RSRC1: variants seen among roughly 807,000 people sequenced by gnomAD.
The protein encoded by RSRC1 is arginine and serine rich coiled-coil 1.
A neutral mutation model predicts 49.1 loss-of-function variants in RSRC1; 39 were observed. That is an observed-to-expected ratio of 0.79 (90% confidence interval 0.61 to 1.04). The LOEUF (loss-of-function observed/expected upper bound fraction) is 1.04. Among genes scored for constraint, RSRC1 ranks in the 50% least tolerant of loss-of-function variants. The pLI, the probability that RSRC1 is intolerant of heterozygous loss-of-function variation, is 0.00. For synonymous variants in RSRC1, 143 were observed against 130.8 expected, an observed-to-expected ratio of 1.09 and a Z score of -0.63; for missense variants, 388 against 402.4, an observed-to-expected ratio of 0.96 and a Z score of 0.31.
chr3:158,513,287 C>G (rs1740292624), intron 7 of RSRC1, among the ~76,000 whole-genome samples: 1 of 151,348 alleles, frequency 6.6e-6, no homozygotes, highest in African/African-American at 2.4e-5. Context: ...TGAAATACGT[C>G]CCATCAATAC....
At chr3:158,142,990 T>C (rs1233076605) in intron 3 of RSRC1, among the ~76,000 whole-genome samples, 1 of 152,220 alleles carries the variant, frequency 6.6e-6, no homozygotes, top group Non-Finnish European at 1.5e-5. Context: ...GTAGATTGAA[T>C]GAATGATTGA....
chr3:158,240,835 T>C (rs890475321), intron 4 of RSRC1, among the ~76,000 whole-genome samples: 1 of 152,210 alleles, frequency 6.6e-6, no homozygotes, highest in Non-Finnish European at 1.5e-5. Flanking sequence ...AGCCTGTTAG[T>C]TAGTAGCAAT....
chr3:158,131,560 A>G (rs982674705), intron 3 of RSRC1, among the ~76,000 whole-genome samples: 3 of 152,224 alleles, frequency 2.0e-5, no homozygotes, highest in African/African-American at 4.8e-5. Context: ...TTGAAGTGAC[A>G]GATGTACTCA....
At chr3:158,316,469 C>T (rs1273405314) in intron 5 of RSRC1, among the ~76,000 whole-genome samples, 12 of 90,412 alleles carry the variant, frequency 1.3e-4, no homozygotes, top group Non-Finnish European at 2.0e-4. Context: ...TTTTTTGAGA[C>T]GGAGTCTCGC....
intron 4 of RSRC1, among the ~76,000 whole-genome samples, chr3:158,239,775 C>T (rs1368850568): frequency 6.6e-6 from 1 of 151,928 alleles, no homozygotes; most frequent in East Asian, 1.9e-4. Context: ...CTTCTATATT[C>T]TGGGTTTAAT....
At chr3:158,489,329 TC>T (rs1232019019) in intron 7 of RSRC1, among the ~76,000 whole-genome samples, 1 of 152,238 alleles carries the variant, frequency 6.6e-6, no homozygotes, top group Admixed American at 6.5e-5. Flanking sequence ...AGCAGGTTCT[TC>T]CAAGTCCACC....
chr3:158,124,780 T>C (rs1468838354), intron 3 of RSRC1, among the ~76,000 whole-genome samples: 1 of 151,968 alleles, frequency 6.6e-6, no homozygotes, highest in Non-Finnish European at 1.5e-5. Flanking sequence ...TTTCTGATTT[T>C]AGTTATTACG....
At chr3:158,336,657 G>A (rs1729909369) in intron 5 of RSRC1, 1 of 152,144 alleles carries the variant, frequency 6.6e-6, no homozygotes, top group South Asian at 2.1e-4. Flanking sequence ...GAGAAACATT[G>A]CAACTTCATA....
chr3:158,180,402 T>G (rs1719510790), intron 3 of RSRC1, among the ~76,000 whole-genome samples: 1 of 96,342 alleles, frequency 1.0e-5, no homozygotes, highest in African/African-American at 4.2e-5. Flanking sequence ...TCTTTTTTTT[T>G]TTTTTTTTTT....
intron 7 of RSRC1, among the ~76,000 whole-genome samples, chr3:158,497,530 G>A (rs573444249): frequency 2.0e-5 from 3 of 150,864 alleles, no homozygotes; most frequent in Non-Finnish European, 4.4e-5. Flanking sequence ...TCTGCCCCCC[G>A]GGTTCAAGCA....
At chr3:158,252,759 G>A (rs181207179) in intron 4 of RSRC1, among the ~76,000 whole-genome samples, 57 of 152,166 alleles carry the variant, frequency 3.7e-4, no homozygotes, top group African/African-American at 1.2e-3. Context: ...TTTTGATCTC[G>A]TTACTTGATA....
intron 7 of RSRC1, among the ~76,000 whole-genome samples, chr3:158,487,308 A>G (rs963502538): frequency 2.6e-5 from 4 of 152,138 alleles, no homozygotes; most frequent in Non-Finnish European, 5.9e-5. Context: ...TGGAAGTGCC[A>G]TGATTTCCGA....
intron 4 of RSRC1, among the ~76,000 whole-genome samples, chr3:158,290,238 T>C (rs1726844820): frequency 6.9e-6 from 1 of 144,156 alleles, no homozygotes; most frequent in African/African-American, 2.9e-5. Flanking sequence ...CATTAGTAAA[T>C]AGTAGAGCTG....
intron 6 of RSRC1, among the ~76,000 whole-genome samples, chr3:158,360,212 TCAG>T (rs1387329063): frequency 1.3e-5 from 2 of 152,162 alleles, no homozygotes; most frequent in Non-Finnish European, 1.5e-5. Context: ...TCTGCAGCTC[TCAG>T]CAGAGAAGGT....
intron 4 of RSRC1, among the ~76,000 whole-genome samples, chr3:158,258,258 A>G (rs1730058): frequency 0.54 from 61,981 of 115,026 alleles, 15,219 homozygotes; most frequent in East Asian, 0.68. Flanking sequence ...GTCCCTTAGC[A>G]TTTGTTTGTC....
At chr3:158,459,463 A>G (rs971951258) in intron 6 of RSRC1, among the ~76,000 whole-genome samples, 1 of 152,130 alleles carries the variant, frequency 6.6e-6, no homozygotes, top group African/African-American at 2.4e-5. Context: ...CTGCTAATAC[A>G]TATTGAAGAT....
In RSRC1 at chr3:158,275,747, G is replaced by A. The variant is rs148941179; in HGVS notation, c.495-22292G>A. On this transcript the variant is annotated intron_variant, in intron 4 of 9. Transcript: ENST00000611884. ...TAGTTTTAACAGACAAATAACACCT[G>A]TAAGCAGACATGACTGCCCTAAATA... 1.3e-5 allele frequency: 6 copies of A among 444,970 alleles called. No individual in the cohort carries two copies. In the East Asian group the frequency reaches 2.6e-4, roughly 20 times the overall value. The allele number at this position is 444,970 out of a possible 1,614,324, so 27.6% of individuals were successfully genotyped here. A position where few individuals can be genotyped will look rare whatever the true frequency, so the allele number is the denominator to read the frequency against.
intron 4 of RSRC1, among the ~76,000 whole-genome samples, chr3:158,251,054 T>C (rs1297364943): frequency 6.6e-6 from 1 of 152,194 alleles, no homozygotes; most frequent in Non-Finnish European, 1.5e-5. Context: ...CTTCTGCATA[T>C]GGATATCCAG....
At chr3:158,179,321 T>C (rs973582489) in intron 3 of RSRC1, among the ~76,000 whole-genome samples, 1 of 152,208 alleles carries the variant, frequency 6.6e-6, no homozygotes, top group Non-Finnish European at 1.5e-5. Context: ...ATGTAGACAT[T>C]GATACAGCTA....
Sources: gnomAD v4.1 joint callset for allele counts (sites outside exome capture counted in the v4.1 genomes callset) on GRCh38, gnomAD v4.1.1 for gene constraint, MANE v1.5 for transcripts, NCBI Gene and HGNC (gene_info 2026-07-23, HGNC 2026-07-21) for gene names.